RPS6KC1: variants seen among roughly 807,000 people sequenced by gnomAD.
RPS6KC1 encodes inactive ribosomal protein S6 kinase delta-1.
RPS6KC1 carries 54 observed loss-of-function variants against 103.8 expected under a neutral mutation model. The ratio of observed to expected loss-of-function variants is 0.52; its 90% CI spans 0.42 to 0.65. RPS6KC1 has a LOEUF of 0.65. RPS6KC1 is among the 30% of genes least tolerant of loss of function. The pLI is 0.00. For synonymous variants in RPS6KC1, 439 were observed against 438.7 expected, an observed-to-expected ratio of 1.00 and a Z score of -0.01; for missense variants, 1,151 against 1,253.8, an observed-to-expected ratio of 0.92 and a Z score of 1.24.
At chr1:213,842,784 T>C in the RPS6KC1 span, among the ~76,000 whole-genome samples, 20 of 152,214 alleles carry the variant, frequency 1.3e-4, no homozygotes, top group African/African-American at 4.6e-4. Flanking sequence ...TTTAATCAAT[T>C]TGTTGCATCA....
At chr1:213,748,352 T>G in the RPS6KC1 span, among the ~76,000 whole-genome samples, 4 of 152,228 alleles carry the variant, frequency 2.6e-5, no homozygotes, top group Non-Finnish European at 5.9e-5. Flanking sequence ...GAGCAGATTT[T>G]TGAGGGCTTA....
At chr1:213,218,987 G>T (rs1039006161) in intron 8 of RPS6KC1, among the ~76,000 whole-genome samples, 9 of 152,118 alleles carry the variant, frequency 5.9e-5, no homozygotes, top group South Asian at 2.1e-4. Context: ...AAAAGCAATG[G>T]CAACAAAAGC....
At chr1:213,428,504 TCCTTCCTTCCTTCC>T in the RPS6KC1 span, among the ~76,000 whole-genome samples, 2 of 66,306 alleles carry the variant, frequency 3.0e-5, no homozygotes. Flanking sequence ...CTTCCTTCCT[TCCTTCCTTCCTTCC>T]TCTTTCTCTC....
the RPS6KC1 span, among the ~76,000 whole-genome samples, chr1:213,832,892 C>G: frequency 1.1e-3 from 174 of 152,268 alleles, no homozygotes; most frequent in Non-Finnish European, 1.7e-3. Context: ...CTAACTGAGG[C>G]CTTCCCATAG....
the RPS6KC1 span, among the ~76,000 whole-genome samples, chr1:213,485,693 A>T: frequency 2.6e-5 from 4 of 152,168 alleles, no homozygotes; most frequent in Admixed American, 6.5e-5. Context: ...AGACAGCAGG[A>T]TAAGTGCTAT....
the RPS6KC1 span, among the ~76,000 whole-genome samples, chr1:213,746,827 C>T: frequency 1.3e-5 from 2 of 151,962 alleles, no homozygotes; most frequent in Non-Finnish European, 2.9e-5. Flanking sequence ...GTTTTGGGCT[C>T]AAGCAATTGA....
At chr1:213,825,581 G>A in the RPS6KC1 span, among the ~76,000 whole-genome samples, 2 of 152,074 alleles carry the variant, frequency 1.3e-5, no homozygotes, top group African/African-American at 4.8e-5. Flanking sequence ...CCAGGTTAGA[G>A]TGACTCATCT....
At chr1:213,657,374 ATAGT>A in the RPS6KC1 span, among the ~76,000 whole-genome samples, 7 of 152,218 alleles carry the variant, frequency 4.6e-5, no homozygotes, top group African/African-American at 1.7e-4. Flanking sequence ...ATTGAAGGCG[ATAGT>A]TGGATGATGA....
rs759764646 is a variant in RPS6KC1 at position 213,241,842 on chromosome 1, T to G, written c.2366T>G (p.Met789Arg). 1.9e-6 allele frequency: 3 copies of G among 1,613,918 alleles called. No homozygotes were observed. The African/African-American group carries it at 4.0e-5, about 22-fold the overall frequency. ...GTTGATCATAGTAGTTCAGGAGATA[T>G]GTCTTTGTTACCCAGCTCAGATCCT... ...AAVDHSSSGD[M>R]SLLPSSDPKF... Residue 789 changes from methionine to arginine, a missense_variant, in exon 11 of 15, where the codon ATG becomes AGG. Physicochemically the swap from Met to Arg is moderately conservative, Grantham distance 91. Around this residue, in one of 3 missense-constraint regions of RPS6KC1, gnomAD observed 959 missense variants for 1,006.3 expected, o/e 0.95. Coordinates refer to ENST00000366960, the MANE Select transcript of RPS6KC1 (RefSeq NM_012424.6).
At chr1:213,297,620 T>A in the RPS6KC1 span, among the ~76,000 whole-genome samples, 1 of 151,872 alleles carries the variant, frequency 6.6e-6, no homozygotes, top group African/African-American at 2.4e-5. Context: ...GTGGTTTGGG[T>A]TTTTATTTTA....
chr1:213,568,691 A>G, the RPS6KC1 span, among the ~76,000 whole-genome samples: 1 of 152,226 alleles, frequency 6.6e-6, no homozygotes, highest in Non-Finnish European at 1.5e-5. Flanking sequence ...GGAGGACGCA[A>G]AAGCCCTGCA....
the RPS6KC1 span, among the ~76,000 whole-genome samples, chr1:213,315,108 G>A: frequency 6.6e-6 from 1 of 152,202 alleles, no homozygotes; most frequent in East Asian, 1.9e-4. Context: ...AGAACAGCAA[G>A]CTGCCTGGGG....
the RPS6KC1 span, among the ~76,000 whole-genome samples, chr1:213,611,700 G>A: frequency 1.9e-4 from 29 of 152,266 alleles, no homozygotes; most frequent in Admixed American, 5.2e-4. Context: ...GCTCCTTGGC[G>A]GAGTTGCTCC....
the RPS6KC1 span, among the ~76,000 whole-genome samples, chr1:213,343,419 ATATATATATATATATATATATAC>A: frequency 2.6e-5 from 2 of 75,974 alleles, no homozygotes. Flanking sequence ...ATATATATAT[ATATATATATATATATATATATAC>A]ATACCATGGA....
chr1:213,738,959 A>G, the RPS6KC1 span, among the ~76,000 whole-genome samples: 2 of 151,940 alleles, frequency 1.3e-5, no homozygotes, highest in East Asian at 1.9e-4. Flanking sequence ...GAATTTAGAG[A>G]ACATAGAAGA....
the RPS6KC1 span, among the ~76,000 whole-genome samples, chr1:213,729,345 T>C: frequency 6.6e-6 from 1 of 152,122 alleles, no homozygotes; most frequent in African/African-American, 2.4e-5. Flanking sequence ...ATCGACTCCT[T>C]TGGTGTCCTG....
At chr1:213,552,641 G>T in the RPS6KC1 span, among the ~76,000 whole-genome samples, 1 of 152,138 alleles carries the variant, frequency 6.6e-6, no homozygotes. Flanking sequence ...GCCGTGGCTT[G>T]TTTTTAATAT....
the RPS6KC1 span, among the ~76,000 whole-genome samples, chr1:213,434,354 A>C: frequency 6.6e-6 from 1 of 152,228 alleles, no homozygotes; most frequent in African/African-American, 2.4e-5. Flanking sequence ...CACCTTTAAA[A>C]AAAATTCCCT....
At chr1:213,415,385 G>A in the RPS6KC1 span, among the ~76,000 whole-genome samples, 4 of 152,338 alleles carry the variant, frequency 2.6e-5, no homozygotes, top group African/African-American at 9.6e-5. Context: ...GTGAGGGTAA[G>A]TCTTCTTCTT....
Sources: allele counts gnomAD v4.1 joint callset (sites outside exome capture counted in the v4.1 genomes callset), GRCh38; gene constraint gnomAD v4.1.1; regional missense constraint gnomAD v4.1.1; transcripts MANE v1.5; gene names NCBI Gene and HGNC (gene_info 2026-07-23, HGNC 2026-07-21).